MRTFA: variants seen among roughly 807,000 people sequenced by gnomAD.
MRTFA encodes myocardin-related transcription factor A.
A neutral mutation model predicts 83.5 loss-of-function variants in MRTFA; 20 were observed. That is an observed-to-expected ratio of 0.24 (90% CI 0.17 to 0.35). The LOEUF is 0.35. Among genes scored for constraint, MRTFA ranks in the 10% least tolerant of loss-of-function variants. The probability of loss-of-function intolerance (pLI) is 1.00; values close to 1 mark genes in which losing one functional copy is unlikely to be tolerated. For synonymous variants in MRTFA, 659 were observed against 541.2 expected (o/e 1.22, Z -3.02); for missense variants, 1,200 against 1,224.7 (o/e 0.98, Z 0.30).
At chr22:40,541,546 C>G (rs2055290618) in intron 3 of MRTFA, among the ~76,000 whole-genome samples, 1 of 152,146 alleles carries the variant, frequency 6.6e-6, no homozygotes, top group Non-Finnish European at 1.5e-5. Context: ...TTCCTGTGAC[C>G]ACAACCTATT....
intron 7 of MRTFA, among the ~76,000 whole-genome samples, chr22:40,427,236 CACTGAGATG>C (rs1053804940): frequency 6.6e-6 from 1 of 152,140 alleles, no homozygotes; most frequent in African/African-American, 2.4e-5. Flanking sequence ...CGGAGGAAAC[CACTGAGATG>C]AGGCAGGATG....
chr22:40,438,178 G>A (rs1410850644), intron 4 of MRTFA, among the ~76,000 whole-genome samples: 3 of 152,084 alleles, frequency 2.0e-5, no homozygotes, highest in African/African-American at 7.2e-5. Flanking sequence ...CTGCTTTCTG[G>A]GTCTAATTTT....
chr22:40,430,393 CAGG>C (rs1410423222), intron 6 of MRTFA, among the ~76,000 whole-genome samples: 1 of 151,992 alleles, frequency 6.6e-6, no homozygotes, highest in Admixed American at 6.6e-5. Context: ...AAGGCTGAGA[CAGG>C]AGAATTGCTT....
At chr22:40,540,472 C>G (rs2055269645) in intron 3 of MRTFA, among the ~76,000 whole-genome samples, 1 of 152,154 alleles carries the variant, frequency 6.6e-6, no homozygotes, top group Non-Finnish European at 1.5e-5. Context: ...GTGCCTGCCT[C>G]CATTATTGTT....
Position 40,418,560 on chromosome 22 carries a change from T to C in MRTFA, c.2178A>G (p.Glu726=). The C allele has an allele frequency of 6.4e-7, 1 of 1,567,700 alleles. No homozygotes were observed. Among genetic ancestry groups the C allele is most frequent in the African/African-American group, 1.4e-5 (1 of 73,102 alleles). ...CCGGCTCGGGCTCAGGCTGCAAGGC[T>C]TCCTGCTTCACCACCACGGACGGGG... Residue 726 remains glutamate (E), a synonymous_variant, in exon 12 of 15, where the codon GAA becomes GAG. Transcript: ENST00000355630.
rs2052674599 is a variant in MRTFA at position 40,416,155 on chromosome 22, C to T, written c.2578+831G>A. Among the ~76,000 whole-genome samples, 1 of 152,208 alleles carries T rather than the reference C, an allele frequency of 6.6e-6. No homozygotes were observed. The highest frequency in any genetic ancestry group is 1.5e-5 in the Non-Finnish European group (1 of 68,040). On this transcript the variant is annotated intron_variant, in intron 14 of 14. Coordinates refer to ENST00000355630, the MANE Select transcript of MRTFA (RefSeq NM_020831.6). This position sits in a 1 kb window ranked among gnomAD's most constrained non-coding sequence, Gnocchi z 4.2. ...CTCCCCAGCTCACCCCATCAATGGC[C>T]ACTCCACCCTGGCCCTTTAGGCCAC...
intron 3 of MRTFA, among the ~76,000 whole-genome samples, chr22:40,520,645 G>A (rs532203124): frequency 1.3e-5 from 2 of 152,274 alleles, no homozygotes; most frequent in East Asian, 1.9e-4. Flanking sequence ...GGGCTCAAGC[G>A]ATCCACCTGC....
intron 7 of MRTFA, among the ~76,000 whole-genome samples, chr22:40,425,639 G>A (rs2052938316): frequency 6.6e-6 from 1 of 152,204 alleles, no homozygotes; most frequent in Non-Finnish European, 1.5e-5. Flanking sequence ...GGGCAAGTAT[G>A]CAACACACAG....
At chr22:40,423,706 TG>T in intron 8 of MRTFA, 21 bp from the exon 9 acceptor site, 1 of 1,514,900 alleles carries the variant, frequency 6.6e-7, no homozygotes, top group Non-Finnish European at 8.9e-7. Context: ...AAAAGGGAAG[TG>T]AGGACATGGC....
chr22:40,590,195 A>G (rs1411003446), intron 2 of MRTFA, among the ~76,000 whole-genome samples: 3 of 152,180 alleles, frequency 2.0e-5, no homozygotes. Context: ...CGACAACTAC[A>G]TGGCACTTCT....
At chr22:40,415,828 T>G (rs571402528) in intron 14 of MRTFA, among the ~76,000 whole-genome samples, 13 of 152,146 alleles carry the variant, frequency 8.5e-5, no homozygotes, top group African/African-American at 2.9e-4. Context: ...ACCTTCCGTG[T>G]CCAGGCCTCG....
Position 40,622,775 on chromosome 22 carries a change from A to AAATGTAT in MRTFA, c.-84+13702_-84+13703insATACATT, listed in dbSNP as rs777918876. 1.6e-3 allele frequency among the ~76,000 whole-genome samples: 240 copies of AAATGTAT among 152,346 alleles called. 2 individuals are homozygous for AAATGTAT. Among genetic ancestry groups the AAATGTAT allele is most frequent in the Non-Finnish European group, 3.0e-3 (204 of 68,026 alleles). On this transcript the variant is annotated intron_variant, in intron 1 of 14. Transcript: ENST00000355630. ...AGACTGATTCAAATGTATGACCTCC[A>AAATGTAT]GAACTATAAGAGAATGAATATCTGT...
intron 3 of MRTFA, among the ~76,000 whole-genome samples, chr22:40,493,297 G>A (rs1372700556): frequency 6.6e-6 from 1 of 152,130 alleles, no homozygotes; most frequent in East Asian, 1.9e-4. Context: ...TCCCTACAAG[G>A]TTCCTCACAC....
chr22:40,496,727 A>G (rs976534742), intron 3 of MRTFA, among the ~76,000 whole-genome samples: 25 of 145,246 alleles, frequency 1.7e-4, no homozygotes, highest in African/African-American at 5.7e-4. Context: ...GGGTGGTTGG[A>G]ATAGAACAAT....
chr22:40,468,990 AG>A (rs1367788008), intron 3 of MRTFA, among the ~76,000 whole-genome samples: 1 of 152,242 alleles, frequency 6.6e-6, no homozygotes, highest in Non-Finnish European at 1.5e-5. Flanking sequence ...GTAAATTAAT[AG>A]ATGTCATTTC....
intron 1 of MRTFA, among the ~76,000 whole-genome samples, chr22:40,624,133 A>T (rs909919653): frequency 2.0e-5 from 3 of 152,162 alleles, no homozygotes; most frequent in African/African-American, 7.2e-5. Flanking sequence ...TTAAAAATTT[A>T]AAAAGATTGT....
chr22:40,424,332 C>T lies in MRTFA; in HGVS notation c.651G>A (p.Glu217=), dbSNP rs529565696. Reference sequence around the variant, plus strand: ...CGGGGGATAAGGCATCGCTGCTGTCCTCATCGAAGGAAGAGCTGTCTGCTA... The same window carrying T: ...CGGGGGATAAGGCATCGCTGCTGTCTTCATCGAAGGAAGAGCTGTCTGCTA... The change falls in exon 8 of 15, where the codon GAG becomes GAA. Residue 217 remains glutamate, a synonymous_variant. Coordinates refer to ENST00000355630, the MANE Select transcript of MRTFA (RefSeq NM_020831.6). 1.9e-6 allele frequency: 3 copies of T among 1,613,704 alleles called. No homozygotes were observed. Among genetic ancestry groups the T allele is most frequent in the South Asian group, 2.2e-5 (2 of 91,008 alleles).
intron 1 of MRTFA, among the ~76,000 whole-genome samples, chr22:40,599,318 G>C (rs1374408578): frequency 1.3e-5 from 2 of 151,978 alleles, no homozygotes; most frequent in Admixed American, 1.3e-4. Context: ...AAAAAAACTT[G>C]GGCATTAGAA....
At chr22:40,566,923 A>G (rs1026009518) in intron 2 of MRTFA, among the ~76,000 whole-genome samples, 1 of 152,088 alleles carries the variant, frequency 6.6e-6, no homozygotes, top group African/African-American at 2.4e-5. Context: ...GTGCCACCTG[A>G]CTCTGAGTTT....
Sources: allele counts gnomAD v4.1 joint callset (sites outside exome capture counted in the v4.1 genomes callset), GRCh38; gene constraint gnomAD v4.1.1; non-coding constraint Gnocchi (gnomAD v3.1); transcripts MANE v1.5; gene names NCBI Gene and HGNC (gene_info 2026-07-23, HGNC 2026-07-21).